Variants in D2HGDH observed in about 807,000 individuals in gnomAD.
The protein encoded by D2HGDH is D-2-hydroxyglutarate dehydrogenase.
D2HGDH carries 31 observed loss-of-function variants against 46.9 expected under a neutral mutation model. The ratio of observed to expected loss-of-function variants is 0.66; its 90% CI spans 0.50 to 0.89. The LOEUF is 0.89. Ranked by LOEUF, D2HGDH falls within the 40% of genes least tolerant of loss-of-function variation. The pLI is 0.00. For missense variants in D2HGDH, 698 were observed against 720.8 expected (o/e 0.97, Z 0.36); for synonymous variants, 364 against 332.6 (o/e 1.09, Z -1.03).
rs1270557555 is a variant in D2HGDH, at chr2:241,743,109, G to A, written c.491-513G>A. Among the ~76,000 whole-genome samples the A allele has an allele frequency of 2.4e-4, 13 of 53,362 alleles. 1 individual carries two copies. Among genetic ancestry groups the A allele is most frequent in the African/African-American group, 1.3e-3 (10 of 7,554 alleles). 35.0% of individuals were successfully genotyped at this position (53,362 alleles called of 152,430 possible). On this transcript the variant is annotated intron_variant, in intron 4 of 9. Transcript: ENST00000321264. The surrounding 1 kb of genome is among the most constrained non-coding windows in gnomAD (Gnocchi z 4.8). ...GGATCCTGACCCAGGGTGCCAGGGC[G>A]TGGCAGGCATGAGGGGATCCTGACC...
intron 6 of D2HGDH, chr2:241,749,283 G>C: frequency 7.8e-7 from 1 of 1,285,808 alleles, no homozygotes; most frequent in Non-Finnish European, 1.0e-6. Flanking sequence ...AGGTGCTCCT[G>C]TGTCACCCAG....
In D2HGDH at chr2:241,768,163, G is replaced by A. The variant is rs537045408; in HGVS notation, c.*194G>A. 524 of 856,298 alleles carry A rather than the reference G, an allele frequency of 6.1e-4. No individual in the cohort carries two copies. Among genetic ancestry groups the A allele is most frequent in the Non-Finnish European group, 8.4e-4 (483 of 572,912 alleles). 53.0% of individuals were successfully genotyped at this position (856,298 alleles called of 1,614,324 possible). The stretch of plus-strand genomic sequence containing the variant: ...AGGAGCATCTGGCAGAGTGGGGGGC[G>A]TGGCAGGCACCCTCCTTTGCAGGGC... On this transcript the variant is annotated 3_prime_UTR_variant, in exon 10 of 10. Transcript: ENST00000321264.
At chr2:241,758,102 G>A (rs1206867490) in intron 9 of D2HGDH, among the ~76,000 whole-genome samples, 1 of 152,206 alleles carries the variant, frequency 6.6e-6, no homozygotes, top group African/African-American at 2.4e-5. Context: ...ATGAGTCTGT[G>A]TTTCTGGGGT....
chr2:241,755,559 T>C (rs560914346), intron 8 of D2HGDH: 1 of 1,425,754 alleles, frequency 7.0e-7, no homozygotes, highest in South Asian at 1.2e-5. Flanking sequence ...CCCAGGGTGC[T>C]CGGTGCTGTC....
At chr2:241,735,628 G>A (rs531745649) in intron 2 of D2HGDH, 112 bp downstream of exon 2, 60 of 1,451,452 alleles carry the variant, frequency 4.1e-5, no homozygotes, top group Admixed American at 1.4e-4. Flanking sequence ...CCAGCCCCTG[G>A]CTGCGCTGAG....
chr2:241,752,030 C>T (rs4992234), intron 8 of D2HGDH, among the ~76,000 whole-genome samples: 11,733 of 141,972 alleles, frequency 0.083, 1,019 homozygotes, highest in African/African-American at 0.15. Context: ...TTACCGGGAC[C>T]TGGGTGGGAG....
At chr2:241,739,849 A>G (rs1693965129) in intron 2 of D2HGDH, among the ~76,000 whole-genome samples, 1 of 152,262 alleles carries the variant, frequency 6.6e-6, no homozygotes. Context: ...CCCTCGTGGC[A>G]GAGTCAGCTA....
At chr2:241,745,956 C>T (rs892021548) in intron 6 of D2HGDH, among the ~76,000 whole-genome samples, 2 of 152,206 alleles carry the variant, frequency 1.3e-5, no homozygotes, top group African/African-American at 4.8e-5. Context: ...TTCTGCCTCT[C>T]TCCTGGCCCC....
rs1437469777 is a variant in D2HGDH at position 241,767,821 on chromosome 2, G to T, written c.1418G>T (p.Ser473Ile). 2.5e-6 allele frequency: 4 copies of T among 1,612,506 alleles called. No homozygotes were observed. The African/African-American group carries it at 4.0e-5, about 16-fold the overall frequency. The change falls in exon 10 of 10, where the codon AGC becomes ATC. Residue 473 changes from serine (S) to isoleucine (I), a missense_variant. Ser to Ile is a moderately radical substitution (Grantham distance 142). Transcript: ENST00000321264. The stretch of plus-strand genomic sequence containing the variant: ...ACGGCCGGGCAGCAGGGCAGCGTCA[G>T]CGCGGAGCACGGAGTGGGCTTCAGG... ...EWTAGQQGSV[S>I]AEHGVGFRKR...
Position 241,744,247 on chromosome 2 carries a change from C to T in D2HGDH, c.684+432C>T, listed in dbSNP as rs747242822. On this transcript the variant is annotated intron_variant, in intron 5 of 9. Coordinates refer to ENST00000321264, the MANE Select transcript of D2HGDH (RefSeq NM_152783.5). Reference sequence around the variant, plus strand: ...TCTCTGTCCTGTTTACCCAAGTGGACGAAGCAAACACAAAACCATGCTTTG... The same window carrying T: ...TCTCTGTCCTGTTTACCCAAGTGGATGAAGCAAACACAAAACCATGCTTTG... 3.9e-5 allele frequency among the ~76,000 whole-genome samples: 6 copies of T among 152,204 alleles called. 1 individual carries two copies. Among genetic ancestry groups the T allele is most frequent in the African/African-American group, 7.2e-5 (3 of 41,446 alleles).
intron 9 of D2HGDH, among the ~76,000 whole-genome samples, chr2:241,763,723 G>A (rs1395399294): frequency 6.6e-6 from 1 of 152,136 alleles, no homozygotes; most frequent in Non-Finnish European, 1.5e-5. Flanking sequence ...GTTATGAAGC[G>A]TGACTGTATT....
intron 7 of D2HGDH, 97 bp downstream of exon 7, chr2:241,750,391 G>A: frequency 8.8e-6 from 4 of 452,588 alleles, no homozygotes; most frequent in South Asian, 2.1e-5. Flanking sequence ...GGCGGGGGGT[G>A]CCCGGGCGGG....
At position 241,735,460 on chromosome 2, in the gene D2HGDH, T is replaced by C. The variant is rs1692499427; in HGVS notation, c.236T>C (p.Val79Ala). Residue 79 changes from valine (V) to alanine (A), a missense_variant, in exon 2 of 10, where the codon GTC becomes GCC. Physicochemically the swap from Val to Ala is moderately conservative, Grantham distance 64 (BLOSUM62 0). Coordinates refer to ENST00000321264, the MANE Select transcript of D2HGDH (RefSeq NM_152783.5). ...GAGCGCATCGTGCCCGGCGGGGTCG[T>C]CACGGACCCGGAAGCGCTGCAGGCT... ...AFERIVPGGV[V>A]TDPEALQAPN... 4 of 1,609,484 alleles carry C rather than the reference T, an allele frequency of 2.5e-6. No homozygotes were observed. Among genetic ancestry groups the C allele is most frequent in the Non-Finnish European group, 3.4e-6 (4 of 1,179,710 alleles).
chr2:241,762,625 G>T (rs1463863345), intron 9 of D2HGDH, among the ~76,000 whole-genome samples: 1 of 152,056 alleles, frequency 6.6e-6, no homozygotes, highest in Non-Finnish European at 1.5e-5. Flanking sequence ...AAGCCCCCTT[G>T]TTTCTTATCG....
chr2:241,762,603 G>A (rs1293263865), intron 9 of D2HGDH, among the ~76,000 whole-genome samples: 2 of 152,094 alleles, frequency 1.3e-5, no homozygotes, highest in Non-Finnish European at 1.5e-5. Context: ...TTCTCCTCTT[G>A]GAACTCAGTC....
chr2:241,748,573 C>T (rs1052279421), intron 6 of D2HGDH, among the ~76,000 whole-genome samples: 6 of 152,340 alleles, frequency 3.9e-5, no homozygotes, highest in African/African-American at 1.4e-4. Context: ...GGTGCCCCTC[C>T]CACCATGGCT....
rs1694808570 is a variant in D2HGDH, at chr2:241,742,703, C to T, written c.490+129C>T. 1.6e-6 allele frequency: 2 copies of T among 1,251,284 alleles called. No individual in the cohort carries two copies. Among genetic ancestry groups the T allele is most frequent in the Non-Finnish European group, 2.3e-6 (2 of 866,142 alleles). 77.5% of individuals were successfully genotyped at this position (1,251,284 alleles called of 1,614,324 possible). A position where few individuals can be genotyped will look rare whatever the true frequency, so the allele number is the denominator to read the frequency against. Reference sequence around the variant, plus strand: ...GTTAGGGCCGGCGCTGGGGAAAGAACCAGCGTCTGTAGCCTGGCCGCCTAG... The same window carrying T: ...GTTAGGGCCGGCGCTGGGGAAAGAATCAGCGTCTGTAGCCTGGCCGCCTAG... On this transcript the variant is annotated intron_variant, in intron 4 of 9. Coordinates refer to ENST00000321264, the MANE Select transcript of D2HGDH (RefSeq NM_152783.5). This position sits in a 1 kb window ranked among gnomAD's most constrained non-coding sequence, Gnocchi z 4.8.
intron 9 of D2HGDH, among the ~76,000 whole-genome samples, chr2:241,764,747 C>T (rs1699128891): frequency 6.6e-6 from 1 of 152,242 alleles, no homozygotes; most frequent in Non-Finnish European, 1.5e-5. Context: ...CCTGGTTTGC[C>T]TCTGGAGCTC....
intron 9 of D2HGDH, among the ~76,000 whole-genome samples, chr2:241,761,611 G>C (rs531887860): frequency 2.0e-5 from 3 of 152,250 alleles, no homozygotes; most frequent in Admixed American, 6.5e-5. Flanking sequence ...TCAGAGACTC[G>C]AGCATCTCAG....
Sources: gnomAD v4.1 joint callset for allele counts (sites outside exome capture counted in the v4.1 genomes callset) on GRCh38, gnomAD v4.1.1 for gene constraint, Gnocchi (gnomAD v3.1) non-coding constraint, MANE v1.5 for transcripts, NCBI Gene and HGNC (gene_info 2026-07-23, HGNC 2026-07-21) for gene names.